The following KCNJ15 variants were observed in gnomAD, a reference collection of about 807,000 sequenced individuals.
The protein encoded by KCNJ15 is potassium inwardly rectifying channel subfamily J member 15.
A neutral mutation model predicts 23.0 loss-of-function variants in KCNJ15; 14 were observed. The observed-to-expected ratio is 0.61, with a 90% CI of 0.40 to 0.95. The LOEUF (loss-of-function observed/expected upper bound fraction) is 0.95. Ranked by LOEUF, KCNJ15 falls within the 40% of genes least tolerant of loss-of-function variation. KCNJ15 has a pLI of 0.00. For synonymous variants in KCNJ15, 185 were observed against 183.2 expected (o/e 1.01, Z -0.08); for missense variants, 388 against 461.8 (o/e 0.84, Z 1.46).
chr21:38,287,947 G>T (rs1984085218), intron 1 of KCNJ15, among the ~76,000 whole-genome samples: 1 of 150,584 alleles, frequency 6.6e-6, no homozygotes, highest in African/African-American at 2.4e-5. Flanking sequence ...GAGAAATGTG[G>T]TCAAAATGTA....
rs1186952237 is a variant in KCNJ15 at position 38,232,620 on chromosome 21, A to G, written c.-398-24426A>G. Among the ~76,000 whole-genome samples the G allele has an allele frequency of 1.6e-4, 24 of 152,056 alleles. No individual in the cohort carries two copies. The East Asian group carries it at 3.7e-3, about 23-fold the overall frequency. ...TTCTTCTAAACATTGCTTTAACTGC[A>G]TCCAATTCATTTTAGTTTGGTGTGT... is the stretch of plus-strand genomic sequence containing the variant. On this transcript the variant is annotated intron_variant, in intron 1 of 4. Coordinates refer to the KCNJ15 transcript ENST00000547341.
chr21:38,270,516 CTTCAGGATGACCCCAGGGGCTAGGCT>C (rs1981961912), intron 1 of KCNJ15, among the ~76,000 whole-genome samples: 1 of 152,224 alleles, frequency 6.6e-6, no homozygotes, highest in Admixed American at 6.5e-5. Flanking sequence ...CTCACTCCAT[CTTCAGGATGACCCCAGGGGCTAGGCT>C]TTCACACTTT....
intron 1 of KCNJ15, among the ~76,000 whole-genome samples, chr21:38,241,283 G>A (rs540904668): frequency 1.3e-5 from 2 of 148,808 alleles, no homozygotes; most frequent in African/African-American, 4.9e-5. Context: ...TTTCAGGTTT[G>A]CAGTTTCTCC....
intron 1 of KCNJ15, among the ~76,000 whole-genome samples, chr21:38,296,244 A>G (rs982026827): frequency 2.8e-5 from 4 of 143,314 alleles, no homozygotes; most frequent in Non-Finnish European, 5.9e-5. Flanking sequence ...ATAATAAATG[A>G]TAGATTAGAG....
intron 1 of KCNJ15, chr21:38,238,669 G>A (rs1568979963): frequency 1.9e-6 from 1 of 531,832 alleles, no homozygotes; most frequent in East Asian, 4.4e-5. Context: ...GGGCTCTGGA[G>A]ACTGTAATGT....
chr21:38,278,208 C>T (rs1982942498), intron 1 of KCNJ15, among the ~76,000 whole-genome samples: 1 of 152,272 alleles, frequency 6.6e-6, no homozygotes, highest in African/African-American at 2.4e-5. Context: ...ATTCAGCAGA[C>T]ATTAAGGCCC....
upstream of KCNJ15, among the ~76,000 whole-genome samples, chr21:38,254,358 T>C (rs1272974127): frequency 6.6e-6 from 1 of 152,170 alleles, no homozygotes; most frequent in African/African-American, 2.4e-5. Context: ...TATCACCAAA[T>C]GAAAAGTAAC....
chr21:38,257,364 A>T (rs952577190), intron 1 of KCNJ15, among the ~76,000 whole-genome samples, 179 bp downstream of exon 1: 3 of 152,146 alleles, frequency 2.0e-5, no homozygotes, highest in African/African-American at 7.2e-5. Context: ...CATGTGGAAA[A>T]CGGGATTTTA....
At chr21:38,275,383 A>C (rs1236530896) in intron 1 of KCNJ15, among the ~76,000 whole-genome samples, 2 of 151,938 alleles carry the variant, frequency 1.3e-5, no homozygotes, top group Non-Finnish European at 2.9e-5. Context: ...CAGATACCCC[A>C]GTGTATCTGA....
At chr21:38,294,308 A>T (rs1820921312) in intron 1 of KCNJ15, among the ~76,000 whole-genome samples, 1 of 152,182 alleles carries the variant, frequency 6.6e-6, no homozygotes, top group Non-Finnish European at 1.5e-5. Flanking sequence ...TTCAGAGCTT[A>T]AAAGTGAGAT....
rs1404957540 is a variant in KCNJ15 at position 38,303,323 on chromosome 21, G to A, written c.*2934G>A. On this transcript the variant is annotated 3_prime_UTR_variant, in exon 3 of 3. Coordinates refer to ENST00000398938, the MANE Select transcript of KCNJ15 (RefSeq NM_170736.3). ...AGTGGAGTATTCCTGACCCAAAAAG[G>A]CTTTTGAATTTTGAAACATTTCTAA... 1 of 151,694 alleles carries A rather than the reference G, an allele frequency of 6.6e-6. No individual in the cohort carries two copies. The highest frequency in any genetic ancestry group is 2.4e-5 in the African/African-American group (1 of 41,286). 9.4% of individuals were successfully genotyped at this position (151,694 alleles called of 1,614,324 possible).
At chr21:38,256,104 G>C (rs1980204797), upstream of KCNJ15, among the ~76,000 whole-genome samples, 1 of 152,054 alleles carries the variant, frequency 6.6e-6, no homozygotes, top group Admixed American at 6.5e-5. Context: ...ATGAGCCTTG[G>C]ACGGGCCTCC....
chr21:38,291,160 G>A (rs1257128380), intron 1 of KCNJ15, among the ~76,000 whole-genome samples: 1 of 152,080 alleles, frequency 6.6e-6, no homozygotes, highest in Admixed American at 6.6e-5. Context: ...GCTCCAGTAG[G>A]CAAATCCTTC....
At chr21:38,252,322 C>A (rs1386096646), upstream of KCNJ15, among the ~76,000 whole-genome samples, 1 of 152,186 alleles carries the variant, frequency 6.6e-6, no homozygotes, top group Admixed American at 6.5e-5. Context: ...TACCTTCAAA[C>A]TCCCAGGTAG....
At chr21:38,264,748 G>A (rs1847006777) in intron 1 of KCNJ15, among the ~76,000 whole-genome samples, 1 of 152,170 alleles carries the variant, frequency 6.6e-6, no homozygotes, top group Non-Finnish European at 1.5e-5. Context: ...TGATAGATTG[G>A]CTGCTAGAAT....
upstream of KCNJ15, among the ~76,000 whole-genome samples, chr21:38,255,034 G>T (rs1415709357): frequency 1.3e-5 from 2 of 152,204 alleles, no homozygotes; most frequent in Non-Finnish European, 2.9e-5. Flanking sequence ...GATGTTTGGT[G>T]AATAAGACAG....
intron 1 of KCNJ15, among the ~76,000 whole-genome samples, chr21:38,245,711 AAGAAAG>A (rs1979327800): frequency 6.6e-6 from 1 of 151,792 alleles, no homozygotes; most frequent in African/African-American, 2.4e-5. Flanking sequence ...AAAGGAAAGA[AAGAAAG>A]AGAGAGAAAG....
At chr21:38,261,943 A>G (rs1034969539) in intron 1 of KCNJ15, among the ~76,000 whole-genome samples, 1 of 152,190 alleles carries the variant, frequency 6.6e-6, no homozygotes, top group Non-Finnish European at 1.5e-5. Flanking sequence ...CCAATTTTCA[A>G]TAGCAGTTAA....
At chr21:38,283,977 G>A (rs1018846475) in intron 1 of KCNJ15, among the ~76,000 whole-genome samples, 1 of 152,146 alleles carries the variant, frequency 6.6e-6, no homozygotes, top group African/African-American at 2.4e-5. Flanking sequence ...CCACACTACT[G>A]TCTAAGGGGG....
Sources: gnomAD v4.1 joint callset for allele counts (sites outside exome capture counted in the v4.1 genomes callset) on GRCh38, gnomAD v4.1.1 for gene constraint, MANE v1.5 for transcripts, NCBI Gene and HGNC (gene_info 2026-07-23, HGNC 2026-07-21) for gene names.